Variants in CNTN6 observed in about 807,000 individuals in gnomAD.
The protein encoded by CNTN6 is contactin 6, also known as contactin-6.
CNTN6 carries 137 observed loss-of-function variants against 122.8 expected under a neutral mutation model. The ratio of observed to expected loss-of-function variants is 1.12; its 90% CI spans 0.97 to 1.29. The LOEUF is 1.29. Among genes scored for constraint, CNTN6 ranks in the 50% most tolerant of loss-of-function variants. CNTN6 has a pLI of 0.00. For synonymous variants in CNTN6, 570 were observed against 426.0 expected (o/e 1.34, Z -4.16); for missense variants, 1,634 against 1,223.4 (o/e 1.34, Z -5.01).
At chr3:1,176,005 T>C (rs1190426103) in intron 2 of CNTN6, among the ~76,000 whole-genome samples, 1 of 152,192 alleles carries the variant, frequency 6.6e-6, no homozygotes, top group East Asian at 1.9e-4. Flanking sequence ...GGTGAGATTG[T>C]AAGTGCTTCC....
chr3:1,169,223 C>G lies in CNTN6; in HGVS notation c.55+21160C>G, dbSNP rs543647010. The stretch of plus-strand genomic sequence containing the variant: ...GCAGAGGATTTGTTCTTCTATTTAG[C>G]CTAAGAGGCCTCCAGATTAAATGTT... On this transcript the variant is annotated intron_variant, in intron 2 of 22. Coordinates refer to ENST00000446702, the MANE Select transcript of CNTN6 (RefSeq NM_001289080.2). Among the ~76,000 whole-genome samples, 15 of 152,304 alleles carry G rather than the reference C, an allele frequency of 9.8e-5. No individual in the cohort carries two copies. The East Asian group carries it at 2.9e-3, about 29-fold the overall frequency.
intron 20 of CNTN6, chr3:1,394,222 G>A (rs759446355): frequency 8.3e-6 from 2 of 241,454 alleles, no homozygotes; most frequent in African/African-American, 2.3e-5. Context: ...GGAAGCTTCC[G>A]CACCAATAGT....
At chr3:1,124,585 A>G (rs182334592) in intron 1 of CNTN6, among the ~76,000 whole-genome samples, 59 of 152,002 alleles carry the variant, frequency 3.9e-4, no homozygotes, top group Middle Eastern at 3.4e-3. Context: ...CATATTGGGT[A>G]TAGTGTACAC....
intron 4 of CNTN6, among the ~76,000 whole-genome samples, chr3:1,247,203 G>C (rs184634640): frequency 6.6e-6 from 1 of 151,902 alleles, no homozygotes; most frequent in East Asian, 1.9e-4. Context: ...GTGTAAAATT[G>C]GTTCAATATA....
chr3:1,382,839 A>G (rs950284576), intron 17 of CNTN6, 103 bp from the exon 18 acceptor site: 3 of 778,372 alleles, frequency 3.9e-6, no homozygotes, highest in Non-Finnish European at 6.2e-6. Flanking sequence ...ATAAATATCC[A>G]TATTTGTCTC....
chr3:1,147,904 C>T (rs149163948), intron 1 of CNTN6, 23 bp from the exon 2 acceptor site: 268 of 716,508 alleles, frequency 3.7e-4, no homozygotes, highest in Non-Finnish European at 5.9e-4. Context: ...TTTTTCATTT[C>T]ATGACAATTT....
intron 4 of CNTN6, among the ~76,000 whole-genome samples, chr3:1,252,244 G>A (rs924424412): frequency 6.6e-5 from 10 of 152,130 alleles, no homozygotes. Flanking sequence ...ACATCCAACT[G>A]TGGGAAGAAC....
intron 1 of CNTN6, among the ~76,000 whole-genome samples, chr3:1,146,009 AT>A (rs34126542): frequency 2.6e-5 from 4 of 151,216 alleles, no homozygotes; most frequent in East Asian, 1.9e-4. Flanking sequence ...CAGAGATCCA[AT>A]TTTTTTTTAA....
intron 7 of CNTN6, among the ~76,000 whole-genome samples, chr3:1,300,047 G>A (rs1696930250): frequency 6.6e-6 from 1 of 151,988 alleles, no homozygotes; most frequent in Non-Finnish European, 1.5e-5. Context: ...CTTGATCTCA[G>A]CTCACTGCAA....
chr3:1,295,707 A>G lies in CNTN6; in HGVS notation c.561A>G (p.Glu187=), dbSNP rs755966412. The change falls in exon 6 of 23, where the codon GAA becomes GAG. Residue 187 remains glutamate, a synonymous_variant. Coordinates refer to ENST00000446702, the MANE Select transcript of CNTN6 (RefSeq NM_001289080.2). ...GAAACTTGTACATTGCCAAAGTGGA[A>G]CCATCAGATGTGGGCAACTACACTT... ...ETGNLYIAKV[E]PSDVGNYTCF... 1.2e-6 allele frequency: 2 copies of G among 1,613,976 alleles called. No homozygotes were observed. Among genetic ancestry groups the G allele is most frequent in the South Asian group, 1.1e-5 (1 of 91,088 alleles).
intron 7 of CNTN6, among the ~76,000 whole-genome samples, chr3:1,299,507 T>C (rs1416465033): frequency 6.6e-6 from 1 of 152,200 alleles, no homozygotes; most frequent in Admixed American, 6.5e-5. Context: ...ATGAAAATAA[T>C]TTCATTTGCT....
chr3:1,396,912 T>C (rs1361083161), intron 20 of CNTN6, among the ~76,000 whole-genome samples: 1 of 152,248 alleles, frequency 6.6e-6, no homozygotes, highest in East Asian at 1.9e-4. Flanking sequence ...GAAAAAATTC[T>C]GCATTCAGCA....
chr3:1,156,630 T>TCTCTTTTCTTTCTTTCTTG (rs1559415731), intron 2 of CNTN6, among the ~76,000 whole-genome samples: 1 of 148,298 alleles, frequency 6.7e-6, no homozygotes, highest in African/African-American at 2.6e-5. Flanking sequence ...TTTCTTTCTT[T>TCTCTTTTCTTTCTTTCTTG]CTCTTTCTTT....
At chr3:1,278,633 G>A (rs747838774) in intron 5 of CNTN6, 125 bp downstream of exon 5, 9 of 558,018 alleles carry the variant, frequency 1.6e-5, no homozygotes, top group Non-Finnish European at 2.6e-5. Context: ...CTCGTCAAGT[G>A]CATCTACTGC....
chr3:1,146,916 A>T (rs973160767), intron 1 of CNTN6, among the ~76,000 whole-genome samples: 1 of 152,106 alleles, frequency 6.6e-6, no homozygotes, highest in Non-Finnish European at 1.5e-5. Flanking sequence ...TGACCCCTGA[A>T]TATTGTTTAT....
chr3:1,350,235 G>A (rs191580708), intron 11 of CNTN6, among the ~76,000 whole-genome samples: 1 of 151,670 alleles, frequency 6.6e-6, no homozygotes, highest in African/African-American at 2.4e-5. Flanking sequence ...TTAGGTCTGG[G>A]ATAAGACCAC....
At chr3:1,380,714 A>G (rs1691733281) in intron 17 of CNTN6, among the ~76,000 whole-genome samples, 1 of 152,176 alleles carries the variant, frequency 6.6e-6, no homozygotes, top group African/African-American at 2.4e-5. Context: ...ACTTACAAAC[A>G]TATAGGTGTG....
intron 20 of CNTN6, among the ~76,000 whole-genome samples, chr3:1,388,340 A>T (rs7616358): frequency 1.0e-4 from 14 of 136,562 alleles, no homozygotes; most frequent in Admixed American, 8.3e-4. Flanking sequence ...AACAGACCTG[A>T]AGCTGAGGGT....
chr3:1,289,152 A>G (rs1007664190), intron 5 of CNTN6, among the ~76,000 whole-genome samples: 1 of 150,902 alleles, frequency 6.6e-6, no homozygotes, highest in East Asian at 2.0e-4. Context: ...CCAAATGGGA[A>G]GGTTTTTAAA....
Sources: allele counts gnomAD v4.1 joint callset (sites outside exome capture counted in the v4.1 genomes callset), GRCh38; gene constraint gnomAD v4.1.1; transcripts MANE v1.5; gene names NCBI Gene and HGNC (gene_info 2026-07-23, HGNC 2026-07-21).